The following PACRG variants were observed in gnomAD, a reference collection of about 807,000 sequenced individuals.
PACRG encodes parkin coregulated gene protein.
Under a neutral mutation model 29.7 loss-of-function variants are expected in PACRG, and 29 were observed. That is an observed-to-expected ratio of 0.98 (90% CI 0.73 to 1.33). PACRG has a LOEUF of 1.33. PACRG is among the 40% of genes most tolerant of loss of function. The pLI is 0.00. For missense variants in PACRG, 279 were observed against 316.2 expected (o/e 0.88, Z 0.89); for synonymous variants, 116 against 118.7 (o/e 0.98, Z 0.15).
intron 4 of PACRG, among the ~76,000 whole-genome samples, chr6:163,292,558 G>T (rs992810411): frequency 8.8e-6 from 1 of 113,210 alleles, no homozygotes; most frequent in African/African-American, 3.2e-5. Flanking sequence ...CTGCCACCAC[G>T]CCCAGCTAAT....
At chr6:163,294,170 T>C (rs1190221224) in intron 4 of PACRG, among the ~76,000 whole-genome samples, 2 of 152,192 alleles carry the variant, frequency 1.3e-5, no homozygotes, top group African/African-American at 4.8e-5. Flanking sequence ...TATTAAAATA[T>C]TTTTCATAAA....
intron 1 of PACRG, among the ~76,000 whole-genome samples, chr6:162,741,184 G>A (rs1225962072): frequency 6.6e-6 from 1 of 152,126 alleles, no homozygotes; most frequent in East Asian, 1.9e-4. Context: ...CCACCACAAG[G>A]TGCTTTTGTC....
intron 4 of PACRG, among the ~76,000 whole-genome samples, chr6:163,141,739 G>A (rs920084998): frequency 7.9e-5 from 12 of 151,942 alleles, no homozygotes; most frequent in South Asian, 4.1e-4. Flanking sequence ...CCAAAATGAC[G>A]TAAAAATCAT....
chr6:163,106,431 A>G (rs182455403), intron 4 of PACRG, among the ~76,000 whole-genome samples: 1 of 152,142 alleles, frequency 6.6e-6, no homozygotes, highest in African/African-American at 2.4e-5. Context: ...TTACTAAATT[A>G]AAAAAAGTAG....
At chr6:163,119,525 G>C (rs1469592312) in intron 4 of PACRG, among the ~76,000 whole-genome samples, 4 of 152,172 alleles carry the variant, frequency 2.6e-5, no homozygotes, top group Non-Finnish European at 5.9e-5. Context: ...AGATTGTTCA[G>C]AACAGCTCAA....
intron 2 of PACRG, among the ~76,000 whole-genome samples, chr6:162,904,261 G>A (rs970003912): frequency 2.0e-5 from 3 of 152,174 alleles, no homozygotes; most frequent in Admixed American, 6.5e-5. Context: ...CATGAATGAC[G>A]CAACAGCTGG....
At chr6:162,766,770 A>G (rs1008975245) in intron 1 of PACRG, among the ~76,000 whole-genome samples, 2 of 152,118 alleles carry the variant, frequency 1.3e-5, no homozygotes, top group African/African-American at 4.8e-5. Context: ...TAATATGTTC[A>G]TATTTTAAAT....
chr6:163,045,949 A>G (rs1408561092), intron 2 of PACRG, among the ~76,000 whole-genome samples: 2 of 152,006 alleles, frequency 1.3e-5, no homozygotes, highest in Non-Finnish European at 2.9e-5. Flanking sequence ...GTTCACTCCT[A>G]TACGTTGATC....
intron 2 of PACRG, among the ~76,000 whole-genome samples, chr6:162,949,135 T>C (rs753879180): frequency 2.0e-5 from 3 of 152,164 alleles, no homozygotes; most frequent in African/African-American, 7.2e-5. Flanking sequence ...AAAAATGTAG[T>C]ACATATACAT....
chr6:162,967,563 G>C (rs7752967), intron 2 of PACRG, among the ~76,000 whole-genome samples: 3 of 150,866 alleles, frequency 2.0e-5, no homozygotes, highest in African/African-American at 7.3e-5. Flanking sequence ...CTGGAGTGCA[G>C]TGTTGCGATC....
At chr6:162,878,783 C>CTTT (rs1793587641) in intron 2 of PACRG, among the ~76,000 whole-genome samples, 1 of 152,104 alleles carries the variant, frequency 6.6e-6, no homozygotes. Flanking sequence ...GGTAGTTTAC[C>CTTT]GTGATTTGTA....
At chr6:162,958,667 G>T (rs1224398602) in intron 2 of PACRG, among the ~76,000 whole-genome samples, 1 of 151,052 alleles carries the variant, frequency 6.6e-6, no homozygotes, top group African/African-American at 2.4e-5. Flanking sequence ...AAAACACTTA[G>T]GATCCTTTGT....
chr6:162,996,060 G>A (rs7758185), intron 2 of PACRG, among the ~76,000 whole-genome samples: 66,656 of 151,896 alleles, frequency 0.44, 15,037 homozygotes, highest in East Asian at 0.7. Context: ...TATGGTGATG[G>A]TAGTTACAAT....
chr6:163,200,695 A>G lies in PACRG; in HGVS notation c.613+111287A>G, dbSNP rs367627392. ...CACCTGATATGATCATTGACAAACC[A>G]AGAAATACTAAAAACCCTCAAGAGT... On this transcript the variant is annotated intron_variant, in intron 4 of 4. Transcript: ENST00000366888. Among the ~76,000 whole-genome samples, 92 of 152,310 alleles carry G rather than the reference A, an allele frequency of 6.0e-4. 2 individuals carry two copies. In the South Asian group the frequency reaches 0.018, roughly 30 times the overall value.
At chr6:162,807,649 T>G (rs1308360897) in intron 1 of PACRG, among the ~76,000 whole-genome samples, 3 of 152,092 alleles carry the variant, frequency 2.0e-5, no homozygotes, top group African/African-American at 7.2e-5. Context: ...ATAGTAACAT[T>G]GAAGATTACT....
chr6:162,871,781 G>A (rs976180270), intron 2 of PACRG, among the ~76,000 whole-genome samples: 6 of 151,880 alleles, frequency 4.0e-5, no homozygotes. Context: ...AGCTGGGCGT[G>A]GTAGCAGGCG....
intron 4 of PACRG, among the ~76,000 whole-genome samples, chr6:163,122,303 A>ACACACACACG (rs1816319385): frequency 6.6e-6 from 1 of 151,426 alleles, no homozygotes; most frequent in South Asian, 2.1e-4. Flanking sequence ...ACACACACAC[A>ACACACACACG]CTTCCTTTTC....
At chr6:162,813,827 A>G (rs1170200608) in intron 1 of PACRG, among the ~76,000 whole-genome samples, 1 of 152,142 alleles carries the variant, frequency 6.6e-6, no homozygotes, top group Non-Finnish European at 1.5e-5. Context: ...TTCTAAGCGT[A>G]AGACACCTCT....
In PACRG at chr6:162,919,872, A is replaced by G. The variant is rs567957170; in HGVS notation, c.291+105591A>G. Among the ~76,000 whole-genome samples the G allele has an allele frequency of 2.7e-3, 418 of 152,270 alleles. 1 individual carries two copies. Among genetic ancestry groups the G allele is most frequent in the Non-Finnish European group, 3.9e-3 (264 of 68,022 alleles). On this transcript the variant is annotated intron_variant, in intron 2 of 4. Coordinates refer to ENST00000366888, the MANE Select transcript of PACRG (RefSeq NM_001080379.2). ...TACAAATAGCTGTATAACAGGGTCAATATATTAAATATATATAAGATTTAA... is the reference window on the plus strand; with the variant it reads ...TACAAATAGCTGTATAACAGGGTCAGTATATTAAATATATATAAGATTTAA...
Sources: gnomAD v4.1 joint callset for allele counts (sites outside exome capture counted in the v4.1 genomes callset) on GRCh38, gnomAD v4.1.1 for gene constraint, MANE v1.5 for transcripts, NCBI Gene and HGNC (gene_info 2026-07-23, HGNC 2026-07-21) for gene names.